The following HAVCR2 variants were observed in gnomAD, a reference collection of about 807,000 sequenced individuals.
The protein encoded by HAVCR2 is T cell immunoglobulin mucin 3.
HAVCR2 carries 13 observed loss-of-function variants against 24.7 expected under a neutral mutation model. That is an observed-to-expected ratio of 0.53 (90% CI 0.34 to 0.84). The LOEUF (loss-of-function observed/expected upper bound fraction) is 0.84, where lower values mean the gene tolerates loss of function less well. Ranked by LOEUF, HAVCR2 falls within the 40% of genes least tolerant of loss-of-function variation. The pLI is 0.01. For synonymous variants in HAVCR2, 154 were observed against 143.4 expected, an observed-to-expected ratio of 1.07 and a Z score of -0.53; for missense variants, 343 against 371.2, an observed-to-expected ratio of 0.92 and a Z score of 0.62.
At chr5:157,095,189 G>A (rs1360638137) in intron 5 of HAVCR2, 117 bp downstream of exon 5, 2 of 1,060,480 alleles carry the variant, frequency 1.9e-6, no homozygotes, top group African/African-American at 3.2e-5. Context: ...ATGGACAAAA[G>A]GGTATTTAGT....
Position 157,087,278 on chromosome 5 carries a change from T to C in HAVCR2, c.730A>G (p.Asn244Asp). ...IQNLSLISLA[N>D]LPPSGLANAV... ...TTTGCCAATCCTGAGGGAGGGAGGT[T>C]GGCCAAAGAGATGAGGCTGTGGAAA... The change falls in exon 7 of 7, where the codon AAC becomes GAC. Residue 244 changes from asparagine to aspartate, a missense_variant. Physicochemically the swap from Asn to Asp is conservative, Grantham distance 23. Transcript: ENST00000307851. 1 of 1,610,462 alleles carries C rather than the reference T, an allele frequency of 6.2e-7. No individual in the cohort carries two copies. Among genetic ancestry groups the C allele is most frequent in the Non-Finnish European group, 8.5e-7 (1 of 1,179,114 alleles).
chr5:157,088,892 G>A (rs1287236512), intron 6 of HAVCR2, 49 bp downstream of exon 6: 1 of 1,478,990 alleles, frequency 6.8e-7, no homozygotes, highest in African/African-American at 1.4e-5. Context: ...GTTAGAGTAG[G>A]GACTTCCAAG....
At chr5:157,101,726 C>T (rs1400827508) in intron 3 of HAVCR2, among the ~76,000 whole-genome samples, 2 of 151,292 alleles carry the variant, frequency 1.3e-5, no homozygotes, top group Non-Finnish European at 2.9e-5. Flanking sequence ...GTTCTGTGTT[C>T]AAATTCCAGG....
chr5:157,101,771 A>ATT (rs397797524), intron 3 of HAVCR2, among the ~76,000 whole-genome samples: 23 of 125,124 alleles, frequency 1.8e-4, no homozygotes, highest in East Asian at 2.3e-4. Flanking sequence ...GCTCTACTCC[A>ATT]TTTTTTTTTT....
intron 4 of HAVCR2, among the ~76,000 whole-genome samples, chr5:157,097,525 G>A (rs1414286202): frequency 1.3e-5 from 2 of 152,144 alleles, no homozygotes; most frequent in East Asian, 3.8e-4. Flanking sequence ...CTCCTAAAGT[G>A]CTGGGATTAC....
At position 157,086,817 on chromosome 5, in the gene HAVCR2, C is replaced by T. The variant is rs1467971447; in HGVS notation, c.*285G>A. 2 of 319,694 alleles carry T rather than the reference C, an allele frequency of 6.3e-6. No homozygotes were observed. The highest frequency in any genetic ancestry group is 1.1e-5 in the Non-Finnish European group (2 of 176,824). The allele number at this position is 319,694 out of a possible 1,614,324, so 19.8% of individuals were successfully genotyped here. A position where few individuals can be genotyped will look rare whatever the true frequency, so the allele number is the denominator to read the frequency against. On this transcript the variant is annotated 3_prime_UTR_variant, in exon 7 of 7. Transcript: ENST00000307851. Reference sequence around the variant, plus strand: ...GAATTTCCTGGAGCTCCAGAGACCCCACGTCAAGAATTCCTAGTGTATATA... The same window carrying T: ...GAATTTCCTGGAGCTCCAGAGACCCTACGTCAAGAATTCCTAGTGTATATA...
Position 157,106,652 on chromosome 5 carries a change from A to G in HAVCR2, c.369T>C (p.Phe123=). 6.2e-7 allele frequency: 1 copy of G among 1,614,210 alleles called. No individual in the cohort carries two copies. Among genetic ancestry groups the G allele is most frequent in the Non-Finnish European group, 8.5e-7 (1 of 1,180,002 alleles). Residue 123 remains phenylalanine (F), a synonymous_variant, in exon 2 of 7, where the codon TTT becomes TTC. Transcript: ENST00000307851. ...QIPGIMNDEK[F]NLKLVIKPAK... ...CTGGTTTGATGACCAACTTCAGGTTAAATTTTTCATCATTCATTATGCCTG... is the reference window on the plus strand; with the variant it reads ...CTGGTTTGATGACCAACTTCAGGTTGAATTTTTCATCATTCATTATGCCTG...
chr5:157,103,230 G>A (rs57034257), intron 3 of HAVCR2, among the ~76,000 whole-genome samples: 7,055 of 152,076 alleles, frequency 0.046, 471 homozygotes, highest in African/African-American at 0.15. Context: ...AATTAGCTGG[G>A]CTTGATGGTG....
At chr5:157,087,391 T>A in intron 6 of HAVCR2, 97 bp from the exon 7 acceptor site, 1 of 971,592 alleles carries the variant, frequency 1.0e-6, no homozygotes, top group Non-Finnish European at 1.5e-6. Context: ...AGCAACTAAA[T>A]ATAGTGCATG....
In HAVCR2 at chr5:157,106,619, C is replaced by T; in HGVS notation, c.394+8G>A. ...ATTCATAAAGATGGCATGCAAATGT[C>T]CACTCACCTGGTTTGATGACCAACT... On this transcript the variant is annotated splice_region_variant and intron_variant, in intron 2 of 6. Transcript: ENST00000307851. The T allele has an allele frequency of 6.2e-7, 1 of 1,605,634 alleles. No homozygotes were observed. Among genetic ancestry groups the T allele is most frequent in the Non-Finnish European group, 8.5e-7 (1 of 1,172,376 alleles).
chr5:157,091,939 C>G (rs780941945), intron 5 of HAVCR2, among the ~76,000 whole-genome samples: 1 of 151,874 alleles, frequency 6.6e-6, no homozygotes, highest in Non-Finnish European at 1.5e-5. Flanking sequence ...AAGCTGTCAC[C>G]TTGATTTTAA....
intron 5 of HAVCR2, among the ~76,000 whole-genome samples, chr5:157,091,555 T>C (rs1462225741): frequency 6.6e-6 from 1 of 151,970 alleles, no homozygotes; most frequent in African/African-American, 2.4e-5. Context: ...AACTAGATGA[T>C]GGTGGGTCAA....
chr5:157,108,920 A>G lies in HAVCR2; in HGVS notation c.58+6T>C, dbSNP rs1757289666. On this transcript the variant is annotated splice_donor_region_variant and intron_variant, in intron 1 of 6. Transcript: ENST00000307851. ...TGTCATTGTAAATATCCATGCCGAGACTTACTTGTAAGTAGTAGCAGCAGC... is the reference window on the plus strand; with the variant it reads ...TGTCATTGTAAATATCCATGCCGAGGCTTACTTGTAAGTAGTAGCAGCAGC... The G allele has an allele frequency of 6.2e-7, 1 of 1,613,692 alleles. No individual in the cohort carries two copies. The highest frequency in any genetic ancestry group is 1.3e-5 in the African/African-American group (1 of 74,922).
chr5:157,105,800 A>G (rs996629808), intron 2 of HAVCR2, among the ~76,000 whole-genome samples: 1 of 152,232 alleles, frequency 6.6e-6, no homozygotes, highest in Non-Finnish European at 1.5e-5. Flanking sequence ...CACCTGAGGT[A>G]GACTCTGTAA....
intron 4 of HAVCR2, among the ~76,000 whole-genome samples, chr5:157,096,457 T>C (rs1757095082): frequency 6.6e-6 from 1 of 152,154 alleles, no homozygotes; most frequent in South Asian, 2.1e-4. Flanking sequence ...AATTTCAGTC[T>C]ATGGGTTCTC....
chr5:157,095,240 C>G, intron 5 of HAVCR2, 66 bp downstream of exon 5: 4 of 1,557,768 alleles, frequency 2.6e-6, no homozygotes, highest in Non-Finnish European at 3.5e-6. Context: ...GCATTTCTAT[C>G]TAGGTTTTTA....
intron 3 of HAVCR2, among the ~76,000 whole-genome samples, chr5:157,103,352 C>T (rs1419976431): frequency 7.0e-6 from 1 of 142,056 alleles, no homozygotes; most frequent in East Asian, 2.1e-4. Flanking sequence ...GTCTGGGTGA[C>T]AGAGCAAGAC....
chr5:157,090,377 T>C (rs1047593057), intron 5 of HAVCR2, among the ~76,000 whole-genome samples: 1 of 152,022 alleles, frequency 6.6e-6, no homozygotes, highest in South Asian at 2.1e-4. Context: ...GGTGGATTTC[T>C]TGAGCTTGGG....
chr5:157,098,785 C>A, intron 4 of HAVCR2, 73 bp downstream of exon 4: 1 of 1,357,708 alleles, frequency 7.4e-7, no homozygotes, highest in Non-Finnish European at 1.0e-6. Context: ...ACAAGGTGGG[C>A]ATGAAGGAAG....
Sources: gnomAD v4.1 joint callset for allele counts (sites outside exome capture counted in the v4.1 genomes callset) on GRCh38, gnomAD v4.1.1 for gene constraint, MANE v1.5 for transcripts, NCBI Gene and HGNC (gene_info 2026-07-23, HGNC 2026-07-21) for gene names.